The following EPHA6 variants were observed in gnomAD, a reference collection of about 807,000 sequenced individuals.
The protein encoded by EPHA6 is EPH receptor A6, also known as ephrin type-A receptor 6.
Under a neutral mutation model 112.0 loss-of-function variants are expected in EPHA6, and 50 were observed. The ratio of observed to expected loss-of-function variants is 0.45; its 90% CI spans 0.36 to 0.56. EPHA6 has a LOEUF of 0.56. Among genes scored for constraint, EPHA6 ranks in the 20% least tolerant of loss-of-function variants. The probability of loss-of-function intolerance (pLI) is 0.00; values close to 1 mark genes in which losing one functional copy is unlikely to be tolerated. For missense variants in EPHA6, 1,280 were observed against 1,417.4 expected (o/e 0.90, Z 1.56); for synonymous variants, 529 against 490.7 (o/e 1.08, Z -1.03).
At position 97,069,937 on chromosome 3, in the gene EPHA6, G is replaced by A. The variant is rs530842310; in HGVS notation, c.1114+81944G>A. ...AAAGGTGTGTTTAAGGAGTGGGACT[G>A]GCTTCTGTTTCTCTGACATCCCTAG... On this transcript the variant is annotated intron_variant, in intron 3 of 17. Coordinates refer to ENST00000389672, the MANE Select transcript of EPHA6 (RefSeq NM_001080448.3). Among the ~76,000 whole-genome samples the A allele has an allele frequency of 3.3e-5, 5 of 152,216 alleles. No homozygotes were observed. The South Asian group carries it at 8.3e-4, about 25-fold the overall frequency.
intron 1 of EPHA6, among the ~76,000 whole-genome samples, chr3:96,862,411 C>CT (rs889357913): frequency 3.3e-5 from 5 of 151,592 alleles, no homozygotes; most frequent in African/African-American, 7.3e-5. Context: ...AAACCCCTTA[C>CT]TTTTTTTTCA....
intron 1 of EPHA6, among the ~76,000 whole-genome samples, chr3:96,866,340 A>G (rs959128204): frequency 6.6e-6 from 1 of 152,052 alleles, no homozygotes; most frequent in Non-Finnish European, 1.5e-5. Context: ...TAATGTAGTC[A>G]GTGCTTTAAA....
chr3:97,761,086 A>G lies in EPHA6; in HGVS notation c.*12385A>G, dbSNP rs1315085120. 1 of 207,802 alleles carries G rather than the reference A, an allele frequency of 4.8e-6. No individual in the cohort carries two copies. Among genetic ancestry groups the G allele is most frequent in the Non-Finnish European group, 9.8e-6 (1 of 101,952 alleles). The allele number at this position is 207,802 out of a possible 1,614,324, so 12.9% of individuals were successfully genotyped here. On this transcript the variant is annotated 3_prime_UTR_variant, in exon 18 of 18. Transcript: ENST00000389672. ...TAATCACAATATGGTAGAGCTATAA[A>G]CAAGGTAAAAAGGTGTTAACAATTG... is the stretch of plus-strand genomic sequence containing the variant.
intron 5 of EPHA6, among the ~76,000 whole-genome samples, chr3:97,403,492 G>A (rs2087124098): frequency 6.6e-6 from 1 of 152,110 alleles, no homozygotes; most frequent in Non-Finnish European, 1.5e-5. Context: ...TGTCGCCCAG[G>A]CTGGAATGCA....
At chr3:97,078,243 T>C (rs1411990915) in intron 3 of EPHA6, among the ~76,000 whole-genome samples, 1 of 152,054 alleles carries the variant, frequency 6.6e-6, no homozygotes, top group Non-Finnish European at 1.5e-5. Flanking sequence ...ATGTGATTGT[T>C]TGTTTTTTTC....
intron 3 of EPHA6, among the ~76,000 whole-genome samples, chr3:97,043,367 A>T (rs552605520): frequency 6.6e-6 from 1 of 152,278 alleles, no homozygotes; most frequent in African/African-American, 2.4e-5. Flanking sequence ...ATAAGGCCAC[A>T]TGTCCCAGAA....
chr3:96,908,810 A>C (rs551858259), intron 2 of EPHA6, among the ~76,000 whole-genome samples: 1 of 152,076 alleles, frequency 6.6e-6, no homozygotes, highest in South Asian at 2.1e-4. Context: ...ACTGTTGATG[A>C]GTTTGAAAGC....
chr3:97,330,441 C>T (rs1249519702), intron 5 of EPHA6, among the ~76,000 whole-genome samples: 2 of 152,062 alleles, frequency 1.3e-5, no homozygotes, highest in African/African-American at 4.8e-5. Context: ...TGATTCTTCC[C>T]ACCCATGAGC....
intron 4 of EPHA6, among the ~76,000 whole-genome samples, chr3:97,227,485 T>G (rs2078395556): frequency 6.6e-6 from 1 of 152,018 alleles, no homozygotes; most frequent in South Asian, 2.1e-4. Flanking sequence ...CCTCCCAGAG[T>G]GCTGGGATTA....
At chr3:97,278,260 T>C (rs2080163501) in intron 5 of EPHA6, among the ~76,000 whole-genome samples, 1 of 152,214 alleles carries the variant, frequency 6.6e-6, no homozygotes, top group Admixed American at 6.5e-5. Flanking sequence ...TAGTAAATAT[T>C]ATAAGTCTAT....
chr3:97,157,585 G>T (rs967012597), intron 3 of EPHA6, among the ~76,000 whole-genome samples: 1 of 151,984 alleles, frequency 6.6e-6, no homozygotes, highest in Non-Finnish European at 1.5e-5. Flanking sequence ...AATTACGGAG[G>T]CTGAGAAATG....
chr3:97,004,565 C>A lies in EPHA6; in HGVS notation c.1114+16572C>A, dbSNP rs576020592. ...GACATTTGTCAGATGAGTAAACTGC[C>A]AAAATTTTCTCCCATTCTGTAGGTT... On this transcript the variant is annotated intron_variant, in intron 3 of 17. Transcript: ENST00000389672. 2.9e-4 allele frequency among the ~76,000 whole-genome samples: 44 copies of A among 152,076 alleles called. No homozygotes were observed. The South Asian group carries it at 8.9e-3, about 31-fold the overall frequency.
intron 3 of EPHA6, among the ~76,000 whole-genome samples, chr3:97,088,360 A>G (rs1452145936): frequency 6.6e-6 from 1 of 152,078 alleles, no homozygotes; most frequent in Non-Finnish European, 1.5e-5. Context: ...TAATCTTATC[A>G]ACTTTTTGGC....
intron 2 of EPHA6, among the ~76,000 whole-genome samples, chr3:96,867,589 G>A (rs2036392327): frequency 6.6e-6 from 1 of 151,566 alleles, no homozygotes; most frequent in African/African-American, 2.4e-5. Flanking sequence ...TTTGATTTTT[G>A]TCTAGTTAAT....
chr3:97,056,477 T>G (rs142254874), intron 3 of EPHA6, among the ~76,000 whole-genome samples: 137 of 152,348 alleles, frequency 9.0e-4, no homozygotes, highest in Non-Finnish European at 1.6e-3. Context: ...ATTGGTCTTC[T>G]AGTTTGACCT....
intron 10 of EPHA6, among the ~76,000 whole-genome samples, chr3:97,497,332 GTA>G (rs2092006903): frequency 6.6e-6 from 1 of 152,030 alleles, no homozygotes; most frequent in South Asian, 2.1e-4. Context: ...TTTGCACCTG[GTA>G]TTCTGTCTAA....
At chr3:96,881,990 T>G (rs1439192558) in intron 2 of EPHA6, among the ~76,000 whole-genome samples, 1 of 152,222 alleles carries the variant, frequency 6.6e-6, no homozygotes, top group Non-Finnish European at 1.5e-5. Flanking sequence ...CCTGTGGCTT[T>G]GCGGGGTACA....
intron 4 of EPHA6, among the ~76,000 whole-genome samples, chr3:97,232,061 C>G (rs1360030353): frequency 6.6e-6 from 1 of 152,124 alleles, no homozygotes; most frequent in South Asian, 2.1e-4. Flanking sequence ...TTCTGAGGCC[C>G]TGCAGTTTCC....
intron 11 of EPHA6, among the ~76,000 whole-genome samples, chr3:97,552,348 C>A (rs1023889012): frequency 6.6e-6 from 1 of 152,154 alleles, no homozygotes; most frequent in East Asian, 1.9e-4. Flanking sequence ...TAATTACAGG[C>A]ATCTACTTCT....
Sources: gnomAD v4.1 joint callset for allele counts (sites outside exome capture counted in the v4.1 genomes callset) on GRCh38, gnomAD v4.1.1 for gene constraint, MANE v1.5 for transcripts, NCBI Gene and HGNC (gene_info 2026-07-23, HGNC 2026-07-21) for gene names.